The following SH2D6 variants were observed in gnomAD, a reference collection of about 807,000 sequenced individuals.
The protein encoded by SH2D6 is SH2 domain-containing protein 6.
SH2D6 carries 31 observed loss-of-function variants against 30.2 expected under a neutral mutation model. The ratio of observed to expected loss-of-function variants is 1.03; its 90% confidence interval spans 0.77 to 1.38. The LOEUF (loss-of-function observed/expected upper bound fraction) is 1.38. SH2D6 is among the 40% of genes most tolerant of loss of function. The pLI, the probability that SH2D6 is intolerant of heterozygous loss-of-function variation, is 0.00. For synonymous variants in SH2D6, 93 were observed against 104.6 expected (o/e 0.89, Z 0.68); for missense variants, 240 against 266.8 (o/e 0.90, Z 0.70).
At chr2:85,433,777 A>C (rs919951446) in intron 16 of SH2D6, 146 bp downstream of exon 16, 13 of 715,444 alleles carry the variant, frequency 1.8e-5, no homozygotes, top group Non-Finnish European at 2.6e-5. Context: ...CACCGCATGG[A>C]CATCACACTC....
intron 19 of SH2D6, 194 bp downstream of exon 19, chr2:85,434,691 C>T: frequency 7.4e-7 from 1 of 1,358,572 alleles, no homozygotes; most frequent in South Asian, 1.5e-5. Context: ...CAGGGCCTGC[C>T]CCAGCCCCAG....
intron 19 of SH2D6, 54 bp from the exon 20 acceptor site, chr2:85,435,011 G>GCCCCCCCCC (rs1169851826): frequency 3.2e-6 from 3 of 932,076 alleles, no homozygotes; most frequent in Non-Finnish European, 2.8e-6. Context: ...AGCCACCTTT[G>GCCCCCCCCC]CCCACCCCCA....
At chr2:85,427,903 G>A (rs1373274118) in intron 6 of SH2D6, among the ~76,000 whole-genome samples, 2 of 151,984 alleles carry the variant, frequency 1.3e-5, no homozygotes, top group African/African-American at 2.4e-5. Flanking sequence ...ATCCCTGGGT[G>A]TCTCCCCAGT....
rs1407035628 is a variant in SH2D6 at position 85,418,735 on chromosome 2, T to A, written c.-988T>A. On this transcript the variant is annotated 5_prime_UTR_variant, in exon 1 of 24. Coordinates refer to ENST00000469800, the MANE Select transcript of SH2D6 (RefSeq NM_001394463.1). ...GGCCGTTGGGCGGGGCCTTGGGTGC[T>A]GATCCGGACGCAAAGATTGCGCCAG... 2 of 152,228 alleles carry A rather than the reference T, an allele frequency of 1.3e-5. No individual in the cohort carries two copies. Among genetic ancestry groups the A allele is most frequent in the Admixed American group, 6.5e-5 (1 of 15,282 alleles). 9.4% of individuals were successfully genotyped at this position (152,228 alleles called of 1,614,324 possible).
rs1204072849 is a variant in SH2D6 at position 85,436,550 on chromosome 2, C to G, written c.976C>G (p.Leu326Val). The change falls in exon 23 of 24, where the codon CTC becomes GTC. Residue 326 changes from leucine to valine, a missense_variant. By Grantham distance (32) the Leu-to-Val change is conservative (BLOSUM62 1). Coordinates refer to ENST00000469800, the MANE Select transcript of SH2D6 (RefSeq NM_001394463.1). ...LVDRHSGSRE[L>V]TCLLFPTKP ...GGACAGACACAGCGGCAGCCGGGAACTCACCTGCCTGCTCTTCCCCACCAA... is the reference window on the plus strand; with the variant it reads ...GGACAGACACAGCGGCAGCCGGGAAGTCACCTGCCTGCTCTTCCCCACCAA... The G allele has an allele frequency of 1.2e-6, 2 of 1,613,634 alleles. No individual in the cohort carries two copies. Among genetic ancestry groups the G allele is most frequent in the Admixed American group, 1.7e-5 (1 of 60,010 alleles).
At chr2:85,428,738 G>C (rs1055044044) in intron 7 of SH2D6, 41 bp downstream of exon 7, 2 of 152,180 alleles carry the variant, frequency 1.3e-5, no homozygotes, top group Non-Finnish European at 2.9e-5. Flanking sequence ...CACACAGTTC[G>C]TGGGTTTTGG....
intron 5 of SH2D6, among the ~76,000 whole-genome samples, chr2:85,424,118 C>T (rs1278035545): frequency 6.6e-6 from 1 of 152,262 alleles, no homozygotes; most frequent in Non-Finnish European, 1.5e-5. Context: ...TCCCCACGCA[C>T]TTGGCCCTAA....
At chr2:85,436,402 C>T in intron 22 of SH2D6, 64 bp from the exon 23 acceptor site, 2 of 1,236,062 alleles carry the variant, frequency 1.6e-6, no homozygotes, top group South Asian at 2.4e-5. Context: ...CCCACAGTTG[C>T]CTCAGGAAAT....
At chr2:85,434,974 C>T (rs1472717212) in intron 19 of SH2D6, 91 bp from the exon 20 acceptor site, 1 of 1,577,298 alleles carries the variant, frequency 6.3e-7, no homozygotes. Context: ...CTCCTCCTAC[C>T]CCCCACCCCC....
Position 85,436,591 on chromosome 2 carries a change from C to G in SH2D6, c.*9C>G, listed in dbSNP as rs374974205. 31 of 1,610,326 alleles carry G rather than the reference C, an allele frequency of 1.9e-5. No individual in the cohort carries two copies. The highest frequency in any genetic ancestry group is 2.5e-5 in the Non-Finnish European group (30 of 1,176,980). ...TCCCCACCAAGCCTTGAGGCCACAG[C>G]GAAGTACACACCGCCTTTGGCCCCA... On this transcript the variant is annotated 3_prime_UTR_variant, in exon 23 of 24. Transcript: ENST00000469800.
At chr2:85,427,390 G>A (rs1279890145) in intron 6 of SH2D6, among the ~76,000 whole-genome samples, 1 of 152,354 alleles carries the variant, frequency 6.6e-6, no homozygotes, top group East Asian at 1.9e-4. Context: ...ACAACATGAG[G>A]CCACTGAGGC....
chr2:85,424,084 C>A (rs372069708), intron 5 of SH2D6, among the ~76,000 whole-genome samples: 161 of 152,376 alleles, frequency 1.1e-3, no homozygotes, highest in African/African-American at 3.7e-3. Flanking sequence ...CTCCTGTCCC[C>A]CTATTTCCTC....
chr2:85,421,907 C>A (rs2104880998), intron 2 of SH2D6: 1 of 152,416 alleles, frequency 6.6e-6, no homozygotes, highest in African/African-American at 2.4e-5. Flanking sequence ...CTCCCCCACA[C>A]CCAACCTCAC....
chr2:85,424,759 A>G (rs1168393502), intron 5 of SH2D6, among the ~76,000 whole-genome samples: 1 of 149,328 alleles, frequency 6.7e-6, no homozygotes, highest in Non-Finnish European at 1.5e-5. Context: ...ACAGGGTGAG[A>G]CCCTGTCTCT....
chr2:85,424,927 A>G (rs763482140), intron 5 of SH2D6, among the ~76,000 whole-genome samples: 1 of 152,078 alleles, frequency 6.6e-6, no homozygotes, highest in Non-Finnish European at 1.5e-5. Context: ...TTAGCCAGGC[A>G]TGGTGATGCG....
chr2:85,435,920 G>A (rs1416927673), intron 22 of SH2D6, 96 bp downstream of exon 22: 46 of 1,412,482 alleles, frequency 3.3e-5, no homozygotes, highest in South Asian at 1.2e-4. Flanking sequence ...TCTTCATTTT[G>A]TATCTTTCTG....
At chr2:85,426,814 G>T (rs1220157047) in intron 6 of SH2D6, among the ~76,000 whole-genome samples, 2 of 152,264 alleles carry the variant, frequency 1.3e-5, no homozygotes, top group Non-Finnish European at 2.9e-5. Flanking sequence ...CTTGAAGCCA[G>T]TTGGTCAGAA....
intron 2 of SH2D6, among the ~76,000 whole-genome samples, chr2:85,420,169 A>G (rs773487170): frequency 3.3e-5 from 5 of 152,068 alleles, no homozygotes; most frequent in Non-Finnish European, 5.9e-5. Flanking sequence ...CAGTGGCGCA[A>G]TCTCGGTCCA....
intron 6 of SH2D6, among the ~76,000 whole-genome samples, chr2:85,425,720 G>A (rs1687987004): frequency 6.6e-6 from 1 of 152,222 alleles, no homozygotes; most frequent in Non-Finnish European, 1.5e-5. Flanking sequence ...AGCCAAGCCA[G>A]CCTGGCAGAG....
Sources: allele counts gnomAD v4.1 joint callset (sites outside exome capture counted in the v4.1 genomes callset), GRCh38; gene constraint gnomAD v4.1.1; transcripts MANE v1.5; gene names NCBI Gene and HGNC (gene_info 2026-07-23, HGNC 2026-07-21).